Variants in ZBTB20 observed in about 807,000 individuals in gnomAD.
ZBTB20 encodes the protein zinc finger and BTB domain-containing protein 20.
Under a neutral mutation model 56.9 loss-of-function variants are expected in ZBTB20, and 9 were observed. That is an observed-to-expected ratio of 0.16 (90% CI 0.10 to 0.28). ZBTB20 has a LOEUF of 0.28. Among genes scored for constraint, ZBTB20 ranks in the 10% least tolerant of loss-of-function variants. The pLI, the probability that ZBTB20 is intolerant of heterozygous loss-of-function variation, is 1.00. For synonymous variants in ZBTB20, 417 were observed against 420.7 expected, an observed-to-expected ratio of 0.99 and a Z score of 0.11; for missense variants, 655 against 1,003.0, an observed-to-expected ratio of 0.65 and a Z score of 4.69.
At chr3:114,931,880 A>G (rs1157040970) in intron 3 of ZBTB20, among the ~76,000 whole-genome samples, 1 of 152,202 alleles carries the variant, frequency 6.6e-6, no homozygotes, top group Admixed American at 6.5e-5. Context: ...AAATAATACA[A>G]AAACTTTAAA....
At chr3:114,727,672 A>C (rs1257148140) in intron 5 of ZBTB20, among the ~76,000 whole-genome samples, 1 of 152,174 alleles carries the variant, frequency 6.6e-6, no homozygotes, top group South Asian at 2.1e-4. Context: ...GATGGCAGAC[A>C]AAAAACATGT....
intron 1 of ZBTB20, among the ~76,000 whole-genome samples, chr3:115,126,570 T>C (rs772224236): frequency 2.4e-4 from 37 of 152,212 alleles, no homozygotes; most frequent in Non-Finnish European, 5.1e-4. Flanking sequence ...TGAATCTTAA[T>C]ATCTTAATGT....
At chr3:114,872,832 C>T (rs184411695) in intron 4 of ZBTB20, among the ~76,000 whole-genome samples, 2 of 152,114 alleles carry the variant, frequency 1.3e-5, no homozygotes, top group Admixed American at 6.5e-5. Context: ...TGGCCTAAAT[C>T]CAAGGAGGTA....
At chr3:114,830,000 A>G (rs2073759306) in intron 4 of ZBTB20, among the ~76,000 whole-genome samples, 1 of 151,918 alleles carries the variant, frequency 6.6e-6, no homozygotes, top group Non-Finnish European at 1.5e-5. Context: ...GATACAGTCT[A>G]GGTCAACTGA....
intron 11 of ZBTB20, among the ~76,000 whole-genome samples, chr3:114,349,293 G>A (rs377740545): frequency 7.9e-4 from 120 of 151,746 alleles, no homozygotes; most frequent in African/African-American, 1.9e-3. Context: ...CATCACAATC[G>A]CTTATGTGCT....
chr3:114,780,697 A>G (rs2070023483), intron 5 of ZBTB20, among the ~76,000 whole-genome samples: 1 of 152,198 alleles, frequency 6.6e-6, no homozygotes, highest in African/African-American at 2.4e-5. Flanking sequence ...CATGTTGGCC[A>G]GGATGGTCTC....
intron 6 of ZBTB20, among the ~76,000 whole-genome samples, chr3:114,599,768 C>T (rs1428782380): frequency 6.6e-6 from 1 of 151,802 alleles, no homozygotes; most frequent in Non-Finnish European, 1.5e-5. Flanking sequence ...AAAAACTTGC[C>T]CAATGTCACA....
At chr3:114,407,001 T>C (rs2087397214) in intron 7 of ZBTB20, among the ~76,000 whole-genome samples, 1 of 152,176 alleles carries the variant, frequency 6.6e-6, no homozygotes, top group Admixed American at 6.6e-5. Context: ...TGTTCCTGTT[T>C]TACAGGAATA....
intron 6 of ZBTB20, among the ~76,000 whole-genome samples, chr3:114,649,639 T>C (rs935498309): frequency 2.0e-5 from 3 of 151,944 alleles, no homozygotes; most frequent in Non-Finnish European, 2.9e-5. Flanking sequence ...ATTTATTTGA[T>C]CTCAAGCTTT....
At chr3:114,563,130 T>C (rs1483565092) in intron 6 of ZBTB20, among the ~76,000 whole-genome samples, 1 of 152,164 alleles carries the variant, frequency 6.6e-6, no homozygotes, top group African/African-American at 2.4e-5. Context: ...TAAAGTGCAA[T>C]AGAAAGAGGT....
In ZBTB20 at chr3:114,324,565, C is replaced by T. The variant is rs1162995688; in HGVS notation, c.*14440G>A. On this transcript the variant is annotated 3_prime_UTR_variant, in exon 12 of 12. Coordinates refer to ENST00000675478, the MANE Select transcript of ZBTB20 (RefSeq NM_001348800.3). Reference sequence around the variant, plus strand: ...ATACACAGAAATTCTCAAGGCCCCTCTCAGAATGATCAATTGAAAATTGGT... The same window carrying T: ...ATACACAGAAATTCTCAAGGCCCCTTTCAGAATGATCAATTGAAAATTGGT... The T allele has an allele frequency of 6.6e-6, 1 of 152,022 alleles. No individual in the cohort carries two copies. Among genetic ancestry groups the T allele is most frequent in the Admixed American group, 6.6e-5 (1 of 15,264 alleles). The allele number at this position is 152,022 out of a possible 1,614,324, so 9.4% of individuals were successfully genotyped here.
chr3:114,710,447 C>T (rs2063995946), intron 5 of ZBTB20: 1 of 152,186 alleles, frequency 6.6e-6, no homozygotes, highest in Non-Finnish European at 1.5e-5. Context: ...TCAAATTCAA[C>T]ATTCTCCAAT....
At chr3:114,656,502 T>C (rs1415466661) in intron 6 of ZBTB20, among the ~76,000 whole-genome samples, 1 of 152,138 alleles carries the variant, frequency 6.6e-6, no homozygotes, top group Non-Finnish European at 1.5e-5. Context: ...CTGGTTGATA[T>C]TGTTGTACAG....
At chr3:114,787,406 T>C (rs2070630058) in intron 5 of ZBTB20, among the ~76,000 whole-genome samples, 1 of 144,056 alleles carries the variant, frequency 6.9e-6, no homozygotes, top group South Asian at 2.2e-4. Flanking sequence ...TATATACATA[T>C]ATATACGTGT....
chr3:114,444,671 G>A (rs760606009), intron 7 of ZBTB20, among the ~76,000 whole-genome samples: 3 of 152,050 alleles, frequency 2.0e-5, no homozygotes, highest in Non-Finnish European at 4.4e-5. Context: ...GGCAAAATGA[G>A]TAGTTTAAGC....
At chr3:114,631,946 G>A (rs1346225072) in intron 6 of ZBTB20, among the ~76,000 whole-genome samples, 2 of 152,156 alleles carry the variant, frequency 1.3e-5, no homozygotes. Flanking sequence ...TACAGGTAGA[G>A]TTTAAAACCA....
At chr3:114,907,900 C>T (rs1693012480) in intron 3 of ZBTB20, among the ~76,000 whole-genome samples, 1 of 151,744 alleles carries the variant, frequency 6.6e-6, no homozygotes, top group African/African-American at 2.4e-5. Context: ...AGACAATTAT[C>T]TGCGCTAAGG....
chr3:114,578,413 G>A (rs916073631), intron 6 of ZBTB20, among the ~76,000 whole-genome samples: 1 of 151,870 alleles, frequency 6.6e-6, no homozygotes, highest in Non-Finnish European at 1.5e-5. Context: ...TAAAGAAAAG[G>A]ATAATAGCTG....
chr3:114,993,308 G>T (rs2078895689), intron 2 of ZBTB20, among the ~76,000 whole-genome samples: 1 of 151,906 alleles, frequency 6.6e-6, no homozygotes, highest in Non-Finnish European at 1.5e-5. Context: ...CTCTAAGAAG[G>T]TGATATTTGA....
Sources: allele counts gnomAD v4.1 joint callset (sites outside exome capture counted in the v4.1 genomes callset), GRCh38; gene constraint gnomAD v4.1.1; transcripts MANE v1.5; gene names NCBI Gene and HGNC (gene_info 2026-07-23, HGNC 2026-07-21).